COL4A6: variants seen among roughly 807,000 people sequenced by gnomAD.
COL4A6 encodes the protein collagen type IV alpha 6 chain, also known as collagen alpha-6(IV) chain.
Under a neutral mutation model 126.7 loss-of-function variants are expected in COL4A6, and 59 were observed. The observed-to-expected ratio is 0.47, with a 90% CI of 0.38 to 0.58. The LOEUF (loss-of-function observed/expected upper bound fraction) is 0.58. Among genes scored for constraint, COL4A6 ranks in the 20% least tolerant of loss-of-function variants. The pLI, the probability that COL4A6 is intolerant of heterozygous loss-of-function variation, is 0.00. For synonymous variants in COL4A6, 547 were observed against 496.6 expected (o/e 1.10, Z -1.35); for missense variants, 1,285 against 1,337.3 (o/e 0.96, Z 0.61).
At chrX:108,392,586 T>C (rs1159025414) in intron 2 of COL4A6, among the ~76,000 whole-genome samples, 11 of 111,472 alleles carry the variant, frequency 9.9e-5, no homozygotes, top group Non-Finnish European at 1.9e-5. Flanking sequence ...TTCACACTCA[T>C]GAGAATGGAT....
intron 3 of COL4A6, among the ~76,000 whole-genome samples, chrX:108,290,248 T>C (rs768637446): frequency 1.7e-4 from 19 of 112,118 alleles, no homozygotes; most frequent in Non-Finnish European, 3.4e-4. Flanking sequence ...AAGTGTTCAC[T>C]GTGCTCTCAT....
chrX:108,271,377 A>C (rs1194367565), intron 3 of COL4A6, among the ~76,000 whole-genome samples: 1 of 112,510 alleles, frequency 8.9e-6, no homozygotes, highest in African/African-American at 3.2e-5. Flanking sequence ...TTCACAATTT[A>C]CTTCAAAATT....
intron 3 of COL4A6, among the ~76,000 whole-genome samples, chrX:108,229,603 T>C (rs916025781): frequency 8.9e-6 from 1 of 112,638 alleles, no homozygotes; most frequent in East Asian, 2.8e-4. Flanking sequence ...TTGTAAATCA[T>C]TTAGCATTGC....
chrX:108,168,994 C>T (rs141657406), intron 37 of COL4A6, among the ~76,000 whole-genome samples: 2 of 111,530 alleles, frequency 1.8e-5, no homozygotes, highest in East Asian at 5.6e-4. Context: ...TAGGGTAGAA[C>T]CTGCTTTCTA....
At chrX:108,392,600 G>A (rs1216042708) in intron 2 of COL4A6, among the ~76,000 whole-genome samples, 1 of 111,862 alleles carries the variant, frequency 8.9e-6, no homozygotes, top group African/African-American at 3.2e-5. Context: ...AATGGATGTT[G>A]TGTATGACTT....
intron 7 of COL4A6, among the ~76,000 whole-genome samples, chrX:108,211,275 T>C (rs1480278696): frequency 8.9e-6 from 1 of 112,140 alleles, no homozygotes; most frequent in Non-Finnish European, 1.9e-5. Context: ...ACCAGGATCT[T>C]TGGCTAAAGG....
At chrX:108,166,069 A>T (rs2034120241) in intron 37 of COL4A6, among the ~76,000 whole-genome samples, 2 of 112,432 alleles carry the variant, frequency 1.8e-5, no homozygotes, top group Non-Finnish European at 3.7e-5. Context: ...GAGCCAAGTG[A>T]TTGCTTAATT....
chrX:108,412,914 C>A (rs1311775313), intron 2 of COL4A6, among the ~76,000 whole-genome samples: 1 of 112,234 alleles, frequency 8.9e-6, no homozygotes, highest in African/African-American at 3.2e-5. Context: ...GGTATGCATG[C>A]CAAAGAATCA....
At chrX:108,226,868 T>C (rs1278273349) in intron 3 of COL4A6, among the ~76,000 whole-genome samples, 1 of 111,665 alleles carries the variant, frequency 9.0e-6, no homozygotes, top group Non-Finnish European at 1.9e-5. Flanking sequence ...TCTAGCCCCA[T>C]GGTCTTAGTT....
intron 13 of COL4A6, among the ~76,000 whole-genome samples, chrX:108,200,613 G>C (rs2035362391): frequency 9.0e-6 from 1 of 111,680 alleles, no homozygotes; most frequent in African/African-American, 3.3e-5. Flanking sequence ...TGTGGGGTGG[G>C]GGGAGAGATG....
chrX:108,161,443 A>C (rs189457185), intron 42 of COL4A6, among the ~76,000 whole-genome samples, 176 bp downstream of exon 42: 1 of 111,723 alleles, frequency 9.0e-6, no homozygotes, highest in African/African-American at 3.3e-5. Context: ...TCACAGGCTC[A>C]GAGGGTAGTG....
chrX:108,272,504 A>G (rs1412557769), intron 3 of COL4A6, among the ~76,000 whole-genome samples: 4 of 111,476 alleles, frequency 3.6e-5, no homozygotes, highest in African/African-American at 9.8e-5. Context: ...CCATGTATGC[A>G]TAGCCAGCCT....
At chrX:108,174,327 TG>T in intron 31 of COL4A6, 112 bp downstream of exon 31, 1 of 770,104 alleles carries the variant, frequency 1.3e-6, no homozygotes, top group Non-Finnish European at 1.9e-6. Context: ...GAGGATGTCC[TG>T]GGAGAAGGGG....
chrX:108,258,947 C>T (rs773783907), intron 3 of COL4A6, among the ~76,000 whole-genome samples: 53 of 110,075 alleles, frequency 4.8e-4, no homozygotes, highest in African/African-American at 1.5e-3. Context: ...ACTGTGATGG[C>T]TAAACTCTTA....
In COL4A6 at chrX:108,156,781, T is replaced by G. The variant is rs2148042395; in HGVS notation, c.*219A>C. 1 of 432,288 alleles carries G rather than the reference T, an allele frequency of 2.3e-6. No homozygotes were observed. The highest frequency in any genetic ancestry group is 2.4e-5 in the African/African-American group (1 of 40,926). 35.6% of individuals were successfully genotyped at this position (432,288 alleles called of 1,213,427 possible). ...ATCCAAATCAAACAGTAGCACCAGC[T>G]TGACAGAAACAGGACAGCAGATCTC... On this transcript the variant is annotated 3_prime_UTR_variant, in exon 45 of 45. Transcript: ENST00000334504.
intron 2 of COL4A6, among the ~76,000 whole-genome samples, chrX:108,354,775 G>A (rs1161788192): frequency 9.0e-6 from 1 of 110,520 alleles, no homozygotes; most frequent in Non-Finnish European, 1.9e-5. Context: ...CATCTCTATG[G>A]CAACCTGAAA....
chrX:108,367,383 CACTCTT>C (rs1569445066), intron 2 of COL4A6, among the ~76,000 whole-genome samples: 1 of 111,522 alleles, frequency 9.0e-6, no homozygotes, highest in African/African-American at 3.3e-5. Flanking sequence ...TTCTCTCACT[CACTCTT>C]ACACTTACTC....
intron 14 of COL4A6, among the ~76,000 whole-genome samples, chrX:108,195,891 C>T (rs1186408143): frequency 8.9e-6 from 1 of 111,957 alleles, no homozygotes. Flanking sequence ...TACTAAACTT[C>T]ATAGTCAACT....
intron 2 of COL4A6, among the ~76,000 whole-genome samples, chrX:108,349,649 C>T (rs956557218): frequency 3.6e-5 from 4 of 111,622 alleles, no homozygotes; most frequent in African/African-American, 1.3e-4. Flanking sequence ...GTAATTATTC[C>T]TGTTCCCACT....
Sources: gnomAD v4.1 joint callset for allele counts (sites outside exome capture counted in the v4.1 genomes callset) on GRCh38, gnomAD v4.1.1 for gene constraint, MANE v1.5 for transcripts, NCBI Gene and HGNC (gene_info 2026-07-23, HGNC 2026-07-21) for gene names.